The following GNAI1 variants were observed in gnomAD, a reference collection of about 807,000 sequenced individuals.
GNAI1 encodes the protein guanine nucleotide-binding protein G(i) subunit alpha-1.
GNAI1 carries 11 observed loss-of-function variants against 38.9 expected under a neutral mutation model. The ratio of observed to expected loss-of-function variants is 0.28; its 90% CI spans 0.18 to 0.47. The LOEUF (loss-of-function observed/expected upper bound fraction) is 0.47. Ranked by LOEUF, GNAI1 falls within the 20% of genes least tolerant of loss-of-function variation. The pLI is 0.99. For synonymous variants in GNAI1, 166 were observed against 145.1 expected (o/e 1.14, Z -1.04); for missense variants, 317 against 436.9 (o/e 0.73, Z 2.45).
intron 7 of GNAI1, 122 bp downstream of exon 7, chr7:80,212,991 G>A (rs1242226768): frequency 3.2e-6 from 2 of 624,570 alleles, no homozygotes; most frequent in Non-Finnish European, 5.4e-6. Context: ...ACCTTTAAGG[G>A]GTATTATTTA....
At position 80,221,286 on chromosome 7, in the gene GNAI1, T is replaced by G. The variant is rs145195101; in HGVS notation, c.*3793T>G. Reference sequence around the variant, plus strand: ...TAAATAATCCATTAATTTTAATGGTTGTTGTCAGCATTAAATAAGTTCACA... The same window carrying G: ...TAAATAATCCATTAATTTTAATGGTGGTTGTCAGCATTAAATAAGTTCACA... On this transcript the variant is annotated 3_prime_UTR_variant, in exon 8 of 8. Transcript: ENST00000649796. 5.7e-3 allele frequency among the ~76,000 whole-genome samples: 862 copies of G among 152,318 alleles called. 2 individuals are homozygous for G. Among genetic ancestry groups the G allele is most frequent in the Middle Eastern group, 0.014 (4 of 294 alleles).
At chr7:80,204,884 C>CT (rs1490742339) in intron 5 of GNAI1, among the ~76,000 whole-genome samples, 1 of 152,110 alleles carries the variant, frequency 6.6e-6, no homozygotes, top group East Asian at 1.9e-4. Context: ...TCATAGACAT[C>CT]TAAGACCACT....
At chr7:80,178,453 A>T (rs888445033) in intron 1 of GNAI1, among the ~76,000 whole-genome samples, 1 of 152,126 alleles carries the variant, frequency 6.6e-6, no homozygotes, top group African/African-American at 2.4e-5. Context: ...AGTGCAGCAG[A>T]CTTCATTATT....
rs548773475 is a variant in GNAI1, at chr7:80,189,230, C to T, written c.302C>T (p.Ala101Val). Residue 101 changes from alanine (A) to valine (V), a missense_variant and splice_region_variant, in exon 3 of 8, where the codon GCG becomes GTG. Ala to Val is a moderately conservative substitution (Grantham distance 64). Coordinates refer to ENST00000649796, the MANE Select transcript of GNAI1 (RefSeq NM_002069.6). ...LKIDFGDSAR[A>V]DDARQLFVLA... ...ATAGACTTTGGTGACTCAGCCCGGG[C>T]GGTAAGTTATTAAATTTGTTGGAGC... 6 of 1,610,178 alleles carry T rather than the reference C, an allele frequency of 3.7e-6. No individual in the cohort carries two copies. The highest frequency in any genetic ancestry group is 1.1e-5 in the South Asian group (1 of 90,330).
At position 80,222,574 on chromosome 7, in the gene GNAI1, A is replaced by G. The variant is rs911274428; in HGVS notation, c.*5081A>G. 8.6e-5 allele frequency among the ~76,000 whole-genome samples: 13 copies of G among 151,776 alleles called. No individual in the cohort carries two copies. Among genetic ancestry groups the G allele is most frequent in the African/African-American group, 3.1e-4 (13 of 41,312 alleles). ...AACTAATCTTGTATTTTTAGTAGAG[A>G]CGGGGTTTCTCCATGTCGGTCGGGC... On this transcript the variant is annotated 3_prime_UTR_variant, in exon 8 of 8. Transcript: ENST00000649796.
rs573154406 is a variant in GNAI1 at position 80,189,072 on chromosome 7, T to TC, written c.162-15dup. The TC allele has an allele frequency of 7.7e-5, 124 of 1,604,032 alleles. No homozygotes were observed. The highest frequency in any genetic ancestry group is 1.0e-4 in the Non-Finnish European group (118 of 1,174,058). On this transcript the variant is annotated splice_polypyrimidine_tract_variant and intron_variant, in intron 2 of 7. Transcript: ENST00000649796. ...AAAGGAAGTAAATAATTCTTTTTTT[T>TC]CCCTTTTGTCTCATTAGAATTATCC...
chr7:80,156,039 T>G (rs1787811704), intron 1 of GNAI1, among the ~76,000 whole-genome samples: 1 of 105,060 alleles, frequency 9.5e-6, no homozygotes, highest in Non-Finnish European at 1.9e-5. Flanking sequence ...CAAGACTCTG[T>G]CTCAAAAAAA....
intron 1 of GNAI1, 34 bp downstream of exon 1, chr7:80,135,312 CG>C (rs1244929956): frequency 2.1e-5 from 26 of 1,233,130 alleles, no homozygotes; most frequent in Non-Finnish European, 2.6e-5. Context: ...CGGGGGTCGG[CG>C]GGGGACCGGG....
At chr7:80,215,611 A>C (rs1415663002) in intron 7 of GNAI1, among the ~76,000 whole-genome samples, 1 of 152,306 alleles carries the variant, frequency 6.6e-6, no homozygotes, top group Admixed American at 6.5e-5. Flanking sequence ...GGATTCTATA[A>C]GATATAAAAG....
rs552092368 is a variant in GNAI1 at position 80,159,669 on chromosome 7, G to C, written c.118+24391G>C. 2.6e-5 allele frequency among the ~76,000 whole-genome samples: 4 copies of C among 152,272 alleles called. No homozygotes were observed. In the South Asian group the frequency reaches 8.3e-4, roughly 32 times the overall value. On this transcript the variant is annotated intron_variant, in intron 1 of 7. Coordinates refer to ENST00000649796, the MANE Select transcript of GNAI1 (RefSeq NM_002069.6). ...CATTTAAAAATATTCGTTGTTTCCTGTTTGGATGGTGGAGAATCTTTAGTT... is the reference window on the plus strand; with the variant it reads ...CATTTAAAAATATTCGTTGTTTCCTCTTTGGATGGTGGAGAATCTTTAGTT...
chr7:80,190,319 T>A (rs182029781), intron 3 of GNAI1, among the ~76,000 whole-genome samples: 19 of 152,110 alleles, frequency 1.2e-4, no homozygotes, highest in African/African-American at 4.6e-4. Flanking sequence ...TTTTTTAAAC[T>A]TTTTTAAAAA....
rs757285557 is a variant in GNAI1 at position 80,135,128 on chromosome 7, A to T, written c.-33A>T. On this transcript the variant is annotated 5_prime_UTR_variant, in exon 1 of 8. Coordinates refer to ENST00000649796, the MANE Select transcript of GNAI1 (RefSeq NM_002069.6). ...GCTTGGAGCCCGCACTCGGGCGCGG[A>T]GGGAGCGGCGGCAGGCTCTCGCTTT... is the stretch of plus-strand genomic sequence containing the variant. 1.8e-5 allele frequency: 26 copies of T among 1,413,642 alleles called. No homozygotes were observed. The South Asian group carries it at 3.4e-4, about 19-fold the overall frequency. 87.6% of individuals were successfully genotyped at this position (1,413,642 alleles called of 1,614,324 possible). A position where few individuals can be genotyped will look rare whatever the true frequency, so the allele number is the denominator to read the frequency against.
At chr7:80,135,426 A>G (rs2465480) in intron 1 of GNAI1, 148 bp downstream of exon 1, 411,053 of 444,936 alleles carry the variant, frequency 0.92, 193,184 homozygotes, top group Non-Finnish European at 0.97. Flanking sequence ...GTGCGGAGGC[A>G]AGGCGGGTCC....
chr7:80,146,356 G>A (rs557759253), intron 1 of GNAI1, among the ~76,000 whole-genome samples: 6 of 152,174 alleles, frequency 3.9e-5, no homozygotes, highest in African/African-American at 1.4e-4. Flanking sequence ...ACCAGTGTCT[G>A]CCTCTTCTCC....
intron 1 of GNAI1, among the ~76,000 whole-genome samples, chr7:80,148,822 C>T (rs535081014): frequency 6.6e-6 from 1 of 152,156 alleles, no homozygotes; most frequent in East Asian, 1.9e-4. Context: ...CAACTAATAT[C>T]TCCAGTTTAT....
At chr7:80,169,341 G>C (rs1788064397) in intron 1 of GNAI1, among the ~76,000 whole-genome samples, 1 of 152,080 alleles carries the variant, frequency 6.6e-6, no homozygotes, top group African/African-American at 2.4e-5. Flanking sequence ...GAATCCTTTT[G>C]TATTTCTAGT....
At position 80,188,981 on chromosome 7, in the gene GNAI1, T is replaced by C; in HGVS notation, c.149T>C (p.Val50Ala). Residue 50 changes from valine (V) to alanine (A), a missense_variant, in exon 2 of 8, where the codon GTG (valine) becomes GCG (alanine). Around this residue, in one of 5 missense-constraint regions of GNAI1, gnomAD observed 40 missense variants for 78.0 expected, o/e 0.51. Coordinates refer to ENST00000649796, the MANE Select transcript of GNAI1 (RefSeq NM_002069.6). ...GGTGAATCTGGTAAAAGTACAATTGTGAAGCAGATGAAGTAAGTAGATTTA... is the reference window on the plus strand; with the variant it reads ...GGTGAATCTGGTAAAAGTACAATTGCGAAGCAGATGAAGTAAGTAGATTTA... ...GAGESGKSTI[V>A]KQMKIIHEAG... 6.2e-7 allele frequency: 1 copy of C among 1,607,822 alleles called. No individual in the cohort carries two copies. Among genetic ancestry groups the C allele is most frequent in the Non-Finnish European group, 8.5e-7 (1 of 1,175,404 alleles).
At chr7:80,135,339 C>T (rs1273276221) in intron 1 of GNAI1, 61 bp downstream of exon 1, 4 of 1,027,230 alleles carry the variant, frequency 3.9e-6, no homozygotes, top group Non-Finnish European at 5.3e-6. Context: ...CGCTGCGCGG[C>T]CCTCGGCGTT....
intron 1 of GNAI1, chr7:80,136,097 C>T (rs1164366520): frequency 4.2e-6 from 4 of 944,028 alleles, no homozygotes; most frequent in Middle Eastern, 5.4e-4. Flanking sequence ...TTTATTTGTT[C>T]TTAGCACTGT....
Sources: allele counts gnomAD v4.1 joint callset (sites outside exome capture counted in the v4.1 genomes callset), GRCh38; gene constraint gnomAD v4.1.1; regional missense constraint gnomAD v4.1.1; transcripts MANE v1.5; gene names NCBI Gene and HGNC (gene_info 2026-07-23, HGNC 2026-07-21).